Variants in PRKG2 observed in about 807,000 individuals in gnomAD.
PRKG2 encodes cGMP-dependent protein kinase 2.
PRKG2 carries 33 observed loss-of-function variants against 97.2 expected under a neutral mutation model. The ratio of observed to expected loss-of-function variants is 0.34; its 90% CI spans 0.26 to 0.45. The LOEUF is 0.45. PRKG2 is among the 20% of genes least tolerant of loss of function. The pLI is 1.00. For synonymous variants in PRKG2, 330 were observed against 321.8 expected, an observed-to-expected ratio of 1.03 and a Z score of -0.27; for missense variants, 638 against 900.0, an observed-to-expected ratio of 0.71 and a Z score of 3.73.
At chr4:81,185,139 T>C (rs754928616) in intron 2 of PRKG2, among the ~76,000 whole-genome samples, 28 of 152,050 alleles carry the variant, frequency 1.8e-4, no homozygotes, top group Non-Finnish European at 2.9e-4. Flanking sequence ...ACCACAAAGA[T>C]AGTCCTCAAG....
intron 17 of PRKG2, among the ~76,000 whole-genome samples, chr4:81,098,810 T>C (rs1329979467): frequency 1.3e-5 from 2 of 152,078 alleles, no homozygotes; most frequent in African/African-American, 4.8e-5. Context: ...ATCACTATAA[T>C]AGATATAAAA....
rs528256766 is a variant in PRKG2, at chr4:81,204,919, C to A, written c.129G>T (p.Glu43Asp). 6.2e-7 allele frequency: 1 copy of A among 1,614,214 alleles called. No homozygotes were observed. The highest frequency in any genetic ancestry group is 8.5e-7 in the Non-Finnish European group (1 of 1,180,042). The change falls in exon 2 of 19, where the codon GAG becomes GAT. Residue 43 changes from glutamate (E) to aspartate (D), a missense_variant. Physicochemically the swap from Glu to Asp is conservative, Grantham distance 45 (BLOSUM62 2). Around this residue, in one of 3 missense-constraint regions of PRKG2, gnomAD observed 332 missense variants for 421.7 expected, o/e 0.79. Transcript: ENST00000264399. ...TCAAATGGTACTCCCGCTCCTGGATCTCAGCATCCTTCCTCCTCAACTCTC... is the reference window on the plus strand; with the variant it reads ...TCAAATGGTACTCCCGCTCCTGGATATCAGCATCCTTCCTCCTCAACTCTC... ...LERELRRKDA[E>D]IQEREYHLKE...
chr4:81,129,928 G>A (rs111431827), intron 14 of PRKG2, among the ~76,000 whole-genome samples: 1 of 152,182 alleles, frequency 6.6e-6, no homozygotes, highest in Non-Finnish European at 1.5e-5. Flanking sequence ...TCATAGTGTC[G>A]ATGTTCTTTA....
chr4:81,181,345 T>C (rs1194316889), intron 2 of PRKG2, among the ~76,000 whole-genome samples: 8 of 151,864 alleles, frequency 5.3e-5, no homozygotes, highest in Admixed American at 5.2e-4. Context: ...TTGAAATAAA[T>C]AATAAAATAT....
intron 1 of PRKG2, among the ~76,000 whole-genome samples, chr4:81,210,679 A>G (rs1394920039): frequency 6.6e-6 from 1 of 152,154 alleles, no homozygotes; most frequent in Admixed American, 6.5e-5. Flanking sequence ...CTTACTCTAC[A>G]AGCCAGCAGT....
chr4:81,125,683 C>T (rs553957840), intron 14 of PRKG2, among the ~76,000 whole-genome samples: 1 of 152,282 alleles, frequency 6.6e-6, no homozygotes, highest in East Asian at 1.9e-4. Context: ...CAATGAAAAA[C>T]TGACTAGCTA....
intron 6 of PRKG2, among the ~76,000 whole-genome samples, chr4:81,165,959 T>TA (rs879481593): frequency 0.011 from 1,593 of 145,298 alleles, 24 homozygotes; most frequent in African/African-American, 0.034. Flanking sequence ...CAGCTTTAAG[T>TA]AAAAAAAAAA....
At chr4:81,116,985 CTTTTTTTT>C (rs58361616) in intron 14 of PRKG2, among the ~76,000 whole-genome samples, 1 of 78,988 alleles carries the variant, frequency 1.3e-5, no homozygotes, top group East Asian at 4.7e-4. Flanking sequence ...CCTGTTGTTA[CTTTTTTTT>C]TTTTTTTTTT....
chr4:81,201,588 G>A (rs1753317533), intron 2 of PRKG2, among the ~76,000 whole-genome samples: 1 of 152,156 alleles, frequency 6.6e-6, no homozygotes, highest in South Asian at 2.1e-4. Context: ...TGAGCTGGTG[G>A]TGCCTAGCAA....
chr4:81,152,709 T>C (rs1157738287), intron 7 of PRKG2, among the ~76,000 whole-genome samples: 1 of 152,224 alleles, frequency 6.6e-6, no homozygotes, highest in Non-Finnish European at 1.5e-5. Flanking sequence ...TTGGCATTTA[T>C]GTATGTCACA....
At chr4:81,155,303 T>G (rs1204960331) in intron 6 of PRKG2, among the ~76,000 whole-genome samples, 3 of 151,518 alleles carry the variant, frequency 2.0e-5, no homozygotes, top group African/African-American at 7.3e-5. Context: ...CAGGAGCCGA[T>G]GCGATCAGCT....
In PRKG2 at chr4:81,204,634, T is replaced by C; in HGVS notation, c.414A>G (p.Lys138=). 1 of 1,613,790 alleles carries C rather than the reference T, an allele frequency of 6.2e-7. No individual in the cohort carries two copies. Among genetic ancestry groups the C allele is most frequent in the Non-Finnish European group, 8.5e-7 (1 of 1,179,966 alleles). The change falls in exon 2 of 19, where the codon AAA becomes AAG. Residue 138 remains lysine, a synonymous_variant. Transcript: ENST00000264399. ...EPTTRTYDLN[K]PPEFSFEKAR... ...CTTTCTCAAAGGAAAATTCAGGGGG[T>C]TTGTTCAGGTCATAGGTCCGGGTTG...
chr4:81,204,760 G>C lies in PRKG2; in HGVS notation c.288C>G (p.Ala96=). 6.2e-7 allele frequency: 1 copy of C among 1,614,182 alleles called. No individual in the cohort carries two copies. The change falls in exon 2 of 19, where the codon GCC becomes GCG. Residue 96 remains alanine, a synonymous_variant. Transcript: ENST00000264399. ...CCTCAAGAGGCACTTTATCTGGAGA[G>C]GCCTGAAGCGGGCTTCCTCCCTGCA... ...VHMQGGSPLQ[A]SPDKVPLEVH...
chr4:81,203,709 TACACACACATGTGTGCGCACACAC>T lies in PRKG2; in HGVS notation c.461+854_461+877del, dbSNP rs569874654. Among the ~76,000 whole-genome samples, 397 of 152,224 alleles carry T rather than the reference TACACACACATGTGTGCGCACACAC, an allele frequency of 2.6e-3. 2 individuals are homozygous for T. Among genetic ancestry groups the T allele is most frequent in the African/African-American group, 9.1e-3 (380 of 41,546 alleles). ...AAACTTTCGCCCATAAAGAAATGCA[TACACACACATGTGTGCGCACACAC>T]ACACACACCCCTATACATGAATGCA... On this transcript the variant is annotated intron_variant, in intron 2 of 18. Coordinates refer to ENST00000264399, the MANE Select transcript of PRKG2 (RefSeq NM_006259.3).
chr4:81,174,465 G>A (rs113075200), intron 3 of PRKG2, among the ~76,000 whole-genome samples: 35 of 152,048 alleles, frequency 2.3e-4, no homozygotes, highest in Admixed American at 6.6e-4. Flanking sequence ...TCTATGTGGC[G>A]TTACCCTCTC....
chr4:81,089,661 T>G lies in PRKG2; in HGVS notation c.*47A>C. On this transcript the variant is annotated 3_prime_UTR_variant, in exon 19 of 19. Coordinates refer to ENST00000264399, the MANE Select transcript of PRKG2 (RefSeq NM_006259.3). ...AATAATGTGTTGGATTATTGATCCT[T>G]GAGGTCCTCTTCTGTAGAGTACAGG... is the stretch of plus-strand genomic sequence containing the variant. The G allele has an allele frequency of 7.5e-7, 1 of 1,335,316 alleles. No individual in the cohort carries two copies. The highest frequency in any genetic ancestry group is 1.1e-6 in the Non-Finnish European group (1 of 938,512). 82.7% of individuals were successfully genotyped at this position (1,335,316 alleles called of 1,614,324 possible). A position where few individuals can be genotyped will look rare whatever the true frequency, so the allele number is the denominator to read the frequency against.
Position 81,144,054 on chromosome 4 carries a change from T to C in PRKG2, c.1253+178A>G, listed in dbSNP as rs116592836. Among the ~76,000 whole-genome samples the C allele has an allele frequency of 4.6e-3, 705 of 152,234 alleles. 7 individuals carry two copies. Among genetic ancestry groups the C allele is most frequent in the African/African-American group, 0.016 (664 of 41,534 alleles). ...AGCAGACTATTTCTAATAGATAATATCCATTCTAGTGGAAGTGGTGTTGTC... is the reference window on the plus strand; with the variant it reads ...AGCAGACTATTTCTAATAGATAATACCCATTCTAGTGGAAGTGGTGTTGTC... On this transcript the variant is annotated intron_variant, in intron 10 of 18. Transcript: ENST00000264399.
intron 15 of PRKG2, among the ~76,000 whole-genome samples, chr4:81,109,337 T>A (rs1046019797): frequency 3.3e-5 from 5 of 152,246 alleles, no homozygotes; most frequent in Admixed American, 2.6e-4. Flanking sequence ...AGACTCGTTC[T>A]AGTATTTCTT....
At chr4:81,216,574 G>A (rs1272237859), upstream of PRKG2, among the ~76,000 whole-genome samples, 3 of 152,062 alleles carry the variant, frequency 2.0e-5, no homozygotes, top group Non-Finnish European at 4.4e-5. Context: ...AAGTGCAGTC[G>A]CATTACACGG....
Sources: allele counts gnomAD v4.1 joint callset (sites outside exome capture counted in the v4.1 genomes callset), GRCh38; gene constraint gnomAD v4.1.1; regional missense constraint gnomAD v4.1.1; transcripts MANE v1.5; gene names NCBI Gene and HGNC (gene_info 2026-07-23, HGNC 2026-07-21).